Variants in LGI3 observed in about 807,000 individuals in gnomAD.
LGI3 encodes the protein leucine-rich repeat LGI family member 3.
In LGI3, 47 loss-of-function variants were observed where a neutral mutation model predicts 55.4. The ratio of observed to expected loss-of-function variants is 0.85; its 90% CI spans 0.67 to 1.08. The LOEUF (loss-of-function observed/expected upper bound fraction) is 1.08. Among genes scored for constraint, LGI3 ranks in the 50% least tolerant of loss-of-function variants. The pLI is 0.00. For synonymous variants in LGI3, 326 were observed against 315.0 expected (o/e 1.04, Z -0.37); for missense variants, 664 against 726.3 (o/e 0.91, Z 0.99).
Position 22,148,304 on chromosome 8 carries a change from C to T in LGI3, c.1503G>A (p.Lys501=), listed in dbSNP as rs771897102. The T allele has an allele frequency of 2.5e-6, 4 of 1,614,080 alleles. No individual in the cohort carries two copies. The highest frequency in any genetic ancestry group is 3.3e-5 in the Admixed American group (2 of 60,004). The change falls in exon 8 of 8, where the codon AAG becomes AAA. Residue 501 remains lysine, a synonymous_variant. Coordinates refer to ENST00000306317, the MANE Select transcript of LGI3 (RefSeq NM_139278.4). This position sits in a 1 kb window ranked among gnomAD's most constrained non-coding sequence, Gnocchi z 7.0. The stretch of plus-strand genomic sequence containing the variant: ...CAGCCAGCTCCTGGAACCGTACAAA[C>T]TTCTGTCGTCCCTCATCCCACTGGT... ...QIYQWDEGRQ[K]FVRFQELAVQ... is the part of the protein sequence containing the mutation.
At position 22,148,312 on chromosome 8, in the gene LGI3, G is replaced by A. The variant is rs776793640; in HGVS notation, c.1495C>T (p.Arg499Ter). 2.2e-5 allele frequency: 36 copies of A among 1,614,036 alleles called. No individual in the cohort carries two copies. The highest frequency in any genetic ancestry group is 3.3e-5 in the South Asian group (3 of 91,084). The change falls in exon 8 of 8, where the codon CGA (arginine) becomes TGA (stop). Residue 499 changes from arginine to a stop codon, truncating the protein, a stop_gained. Coordinates refer to ENST00000306317, the MANE Select transcript of LGI3 (RefSeq NM_139278.4). LOFTEE classifies it high-confidence loss of function. This position sits in a 1 kb window ranked among gnomAD's most constrained non-coding sequence, Gnocchi z 7.0. ...TCCTGGAACCGTACAAACTTCTGTC[G>A]TCCCTCATCCCACTGGTAGATCTGG... is the stretch of plus-strand genomic sequence containing the variant. ...FTQIYQWDEG[R>*]QKFVRFQELA...
In LGI3 at chr8:22,148,750, C is replaced by T. The variant is rs79037640; in HGVS notation, c.1057G>A (p.Ala353Thr). 58 of 1,613,918 alleles carry T rather than the reference C, an allele frequency of 3.6e-5. No individual in the cohort carries two copies. The highest frequency in any genetic ancestry group is 4.4e-5 in the Non-Finnish European group (52 of 1,180,032). ...FAVADSSKAG[A>T]TSLYRWHQNG... ...TGGTGCCAGCGGTAGAGGCTGGTGGCGCCTGCCTTGGAGCTGTCAGCCACG... is the reference window on the plus strand; with the variant it reads ...TGGTGCCAGCGGTAGAGGCTGGTGGTGCCTGCCTTGGAGCTGTCAGCCACG... Residue 353 changes from alanine (A) to threonine (T), a missense_variant, in exon 8 of 8, where the codon GCC becomes ACC. Physicochemically the swap from Ala to Thr is moderately conservative, Grantham distance 58. Coordinates refer to ENST00000306317, the MANE Select transcript of LGI3 (RefSeq NM_139278.4). The surrounding 1 kb of genome is among the most constrained non-coding windows in gnomAD (Gnocchi z 7.0).
chr8:22,155,544 G>A (rs1320690387), intron 1 of LGI3, 81 bp from the exon 2 acceptor site: 4 of 1,147,568 alleles, frequency 3.5e-6, no homozygotes, highest in Non-Finnish European at 1.3e-6. Flanking sequence ...GAGGGCAGTA[G>A]CTTTTGTACT....
At chr8:22,149,055 T>A in intron 7 of LGI3, 78 bp from the exon 8 acceptor site, 1 of 1,046,256 alleles carries the variant, frequency 9.6e-7, no homozygotes. Flanking sequence ...AGAAGGCCAG[T>A]CCCTTCCAAA....
At chr8:22,154,117 G>A (rs1439273588) in intron 4 of LGI3, 25 bp downstream of exon 4, 1 of 1,610,978 alleles carries the variant, frequency 6.2e-7, no homozygotes, top group Non-Finnish European at 8.5e-7. Flanking sequence ...CTTTGGTGCA[G>A]TGTGTGTATG....
chr8:22,153,273 C>T (rs1211736763), intron 5 of LGI3, among the ~76,000 whole-genome samples: 5 of 151,010 alleles, frequency 3.3e-5, no homozygotes, highest in South Asian at 2.1e-4. Flanking sequence ...TTAGTACAGA[C>T]GGCGTTTCAC....
intron 5 of LGI3, 111 bp from the exon 6 acceptor site, chr8:22,152,111 G>T: frequency 1.2e-6 from 1 of 813,274 alleles, no homozygotes; most frequent in Non-Finnish European, 1.9e-6. Flanking sequence ...GCTGCTGCAA[G>T]TTGCTCACAT....
intron 5 of LGI3, 46 bp downstream of exon 5, chr8:22,153,922 T>A: frequency 6.3e-7 from 1 of 1,582,098 alleles, no homozygotes; most frequent in Non-Finnish European, 8.7e-7. Context: ...CCTCCAGGGA[T>A]GCGCCCTCTG....
In LGI3 at chr8:22,151,419, G is replaced by A. The variant is rs150406674; in HGVS notation, c.829+70C>T. On this transcript the variant is annotated intron_variant, in intron 7 of 7. Coordinates refer to ENST00000306317, the MANE Select transcript of LGI3 (RefSeq NM_139278.4). ...CCCTCTACCTACAGGAACTCAATGG[G>A]GTTGAACGATGGAGCCCACTCCCCC... is the stretch of plus-strand genomic sequence containing the variant. The A allele has an allele frequency of 3.6e-4, 525 of 1,454,402 alleles. 2 individuals are homozygous for A. Among genetic ancestry groups the A allele is most frequent in the Middle Eastern group, 2.5e-3 (14 of 5,584 alleles). 90.1% of individuals were successfully genotyped at this position (1,454,402 alleles called of 1,614,324 possible).
At chr8:22,153,656 G>A (rs921891767) in intron 5 of LGI3, among the ~76,000 whole-genome samples, 20 of 151,304 alleles carry the variant, frequency 1.3e-4, no homozygotes, top group African/African-American at 4.9e-4. Context: ...GCAGTGAGCC[G>A]AGATTGTGCC....
At chr8:22,155,710 GA>G (rs2131798083) in intron 1 of LGI3, among the ~76,000 whole-genome samples, 1 of 152,352 alleles carries the variant, frequency 6.6e-6, no homozygotes, top group South Asian at 2.1e-4. Flanking sequence ...TCTCAGGCAA[GA>G]AAAGGTTCCA....
rs769824516 is a variant in LGI3 at position 22,154,218 on chromosome 8, G to A, written c.351-5C>T. ...ATGTCATTGTTCTCAATGAAGCTGG[G>A]GAAAGCGGGAACTTGCCTCAGTGCT... On this transcript the variant is annotated splice_region_variant and splice_polypyrimidine_tract_variant and intron_variant, in intron 3 of 7. Transcript: ENST00000306317. The A allele has an allele frequency of 6.2e-7, 1 of 1,613,588 alleles. No individual in the cohort carries two copies. Among genetic ancestry groups the A allele is most frequent in the Admixed American group, 1.7e-5 (1 of 60,018 alleles).
In LGI3 at chr8:22,147,740, G is replaced by T; in HGVS notation, c.*420C>A. ...CAGATATGGCTGTGGGCTACAGCGG[G>T]GAGCAAGAGCAGGTAAACAATGCCT... On this transcript the variant is annotated 3_prime_UTR_variant, in exon 8 of 8. Transcript: ENST00000306317. The T allele has an allele frequency of 5.5e-6, 1 of 180,578 alleles. No homozygotes were observed. The highest frequency in any genetic ancestry group is 1.2e-4 in the South Asian group (1 of 8,004). 11.2% of individuals were successfully genotyped at this position (180,578 alleles called of 1,614,324 possible). A position where few individuals can be genotyped will look rare whatever the true frequency, so the allele number is the denominator to read the frequency against.
At chr8:22,156,242 T>A in intron 1 of LGI3, 95 bp downstream of exon 1, 1 of 1,353,100 alleles carries the variant, frequency 7.4e-7, no homozygotes, top group Non-Finnish European at 1.0e-6. Flanking sequence ...CCCCGCACTC[T>A]GAAGAGGGGG....
chr8:22,151,734 G>A, intron 6 of LGI3, 81 bp from the exon 7 acceptor site: 1 of 1,572,426 alleles, frequency 6.4e-7, no homozygotes, highest in Non-Finnish European at 8.7e-7. Context: ...CTTTACTGCT[G>A]CCGCTGGGTG....
At chr8:22,153,401 C>T (rs78673962) in intron 5 of LGI3, among the ~76,000 whole-genome samples, 7,116 of 150,104 alleles carry the variant, frequency 0.047, 526 homozygotes, top group African/African-American at 0.16. Context: ...TGGCTGAGCA[C>T]GGTGGCTCAG....
chr8:22,147,309 A>T lies in LGI3; in HGVS notation c.*851T>A, dbSNP rs1413808937. The T allele has an allele frequency of 6.6e-6, 1 of 152,290 alleles. No individual in the cohort carries two copies. Among genetic ancestry groups the T allele is most frequent in the African/African-American group, 2.4e-5 (1 of 41,428 alleles). The allele number at this position is 152,290 out of a possible 1,614,324, so 9.4% of individuals were successfully genotyped here. Reference sequence around the variant, plus strand: ...GTCTTCTGTCCATGGGTGAGCTGGGATTCACGGCCATGAAGGAAACGCCAA... The same window carrying T: ...GTCTTCTGTCCATGGGTGAGCTGGGTTTCACGGCCATGAAGGAAACGCCAA... On this transcript the variant is annotated 3_prime_UTR_variant, in exon 8 of 8. Transcript: ENST00000306317.
chr8:22,150,062 C>G (rs1316838291), intron 7 of LGI3, among the ~76,000 whole-genome samples: 2 of 152,158 alleles, frequency 1.3e-5, no homozygotes, highest in African/African-American at 4.8e-5. Flanking sequence ...AGAAACCTGG[C>G]AGTCATCCCT....
At chr8:22,154,521 CCCTT>C (rs756883874) in intron 3 of LGI3, 35 bp downstream of exon 3, 1 of 1,585,640 alleles carries the variant, frequency 6.3e-7, no homozygotes, top group African/African-American at 1.3e-5. Flanking sequence ...GGGTCCCCCT[CCCTT>C]CTGCTTTCCC....
Sources: allele counts gnomAD v4.1 joint callset (sites outside exome capture counted in the v4.1 genomes callset), GRCh38; gene constraint gnomAD v4.1.1; non-coding constraint Gnocchi (gnomAD v3.1); transcripts MANE v1.5; gene names NCBI Gene and HGNC (gene_info 2026-07-23, HGNC 2026-07-21).